C10orf90: variants seen among roughly 807,000 people sequenced by gnomAD.
The protein encoded by C10orf90 is chromosome 10 open reading frame 90, also known as (E2-independent) E3 ubiquitin-conjugating enzyme FATS.
In C10orf90, 56 loss-of-function variants were observed where a neutral mutation model predicts 62.5. The observed-to-expected ratio is 0.90, with a 90% CI of 0.72 to 1.12. C10orf90 has a LOEUF of 1.12. Ranked by LOEUF, C10orf90 falls within the 50% of genes most tolerant of loss-of-function variation. The pLI is 0.00. For synonymous variants in C10orf90, 386 were observed against 340.4 expected (o/e 1.13, Z -1.47); for missense variants, 970 against 880.4 (o/e 1.10, Z -1.29).
At chr10:126,634,710 G>A (rs967166125) in intron 2 of C10orf90, among the ~76,000 whole-genome samples, 2 of 152,090 alleles carry the variant, frequency 1.3e-5, no homozygotes, top group African/African-American at 4.8e-5. Context: ...AACAATGCAA[G>A]GTAGGTACTA....
chr10:126,667,294 G>A (rs113254140), intron 1 of C10orf90, among the ~76,000 whole-genome samples: 8,741 of 151,928 alleles, frequency 0.058, 809 homozygotes, highest in African/African-American at 0.2. Context: ...TCCTGACCTC[G>A]TGATCCACCC....
chr10:126,530,805 T>G (rs1013447686), intron 2 of C10orf90, among the ~76,000 whole-genome samples: 1 of 151,494 alleles, frequency 6.6e-6, no homozygotes, highest in East Asian at 1.9e-4. Context: ...AAAGCCTAAC[T>G]GCAAAAGCTG....
At chr10:126,580,774 T>C (rs376038726) in intron 2 of C10orf90, among the ~76,000 whole-genome samples, 13 of 152,012 alleles carry the variant, frequency 8.6e-5, no homozygotes, top group African/African-American at 2.4e-4. Context: ...TGTGTGAACA[T>C]AGTGTGTGTC....
intron 1 of C10orf90, 55 bp from the exon 2 acceptor site, chr10:126,646,692 T>C (rs981812123): frequency 1.5e-5 from 6 of 390,136 alleles, no homozygotes; most frequent in African/African-American, 1.1e-4. Context: ...GCCAGATATA[T>C]AATCTTTAAT....
chr10:126,632,434 C>T (rs557518621), intron 2 of C10orf90, among the ~76,000 whole-genome samples: 19 of 151,816 alleles, frequency 1.3e-4, no homozygotes, highest in Admixed American at 9.8e-4. Context: ...CATAAATATT[C>T]CCATTTGGTA....
intron 2 of C10orf90, among the ~76,000 whole-genome samples, chr10:126,562,267 CACCCCCTGCCCTCCCTT>C (rs1042268698): frequency 1.1e-4 from 17 of 152,128 alleles, no homozygotes; most frequent in South Asian, 2.1e-4. Context: ...TTTGCCTAGC[CACCCCCTGCCCTCCCTT>C]ACCCCCTGCC....
chr10:126,587,956 G>A (rs533624687), intron 2 of C10orf90, among the ~76,000 whole-genome samples: 241 of 152,334 alleles, frequency 1.6e-3, no homozygotes, highest in African/African-American at 5.6e-3. Flanking sequence ...TAGGAAGGGG[G>A]CTGAATCCAG....
At chr10:126,608,076 T>C (rs534495281) in intron 2 of C10orf90, among the ~76,000 whole-genome samples, 3 of 152,166 alleles carry the variant, frequency 2.0e-5, no homozygotes, top group Non-Finnish European at 4.4e-5. Flanking sequence ...GTGGTCAATG[T>C]TGCACAACAT....
chr10:126,615,663 G>A (rs1436794), intron 2 of C10orf90, among the ~76,000 whole-genome samples: 4,902 of 151,984 alleles, frequency 0.032, 126 homozygotes, highest in South Asian at 0.072. Context: ...TAGTTACGAC[G>A]TGTAAGGCAT....
intron 3 of C10orf90, among the ~76,000 whole-genome samples, chr10:126,505,389 C>A (rs1862676486): frequency 6.6e-6 from 1 of 152,232 alleles, no homozygotes; most frequent in Admixed American, 6.5e-5. Flanking sequence ...TCGATAACCA[C>A]CTCCGCCAAG....
chr10:126,457,076 C>T (rs377518633), intron 7 of C10orf90, among the ~76,000 whole-genome samples: 5 of 152,184 alleles, frequency 3.3e-5, no homozygotes, highest in East Asian at 1.9e-4. Context: ...CAGCCATGAC[C>T]TAGCGAAGCT....
chr10:126,602,845 G>T (rs1005689914), intron 2 of C10orf90, among the ~76,000 whole-genome samples: 8 of 151,096 alleles, frequency 5.3e-5, no homozygotes, highest in Non-Finnish European at 1.2e-4. Context: ...CATGAAATGT[G>T]GTCATGTCTA....
chr10:126,434,807 G>A (rs1019880634), intron 7 of C10orf90, among the ~76,000 whole-genome samples: 1 of 152,166 alleles, frequency 6.6e-6, no homozygotes, highest in South Asian at 2.1e-4. Flanking sequence ...ATTCCATCAC[G>A]GTTCTCAGGG....
chr10:126,634,582 T>C (rs776290542), intron 2 of C10orf90, among the ~76,000 whole-genome samples: 6 of 152,150 alleles, frequency 3.9e-5, no homozygotes, highest in Non-Finnish European at 5.9e-5. Context: ...CAATAGCGTA[T>C]TGTACACTTA....
chr10:126,633,649 C>T (rs1309403953), intron 2 of C10orf90, among the ~76,000 whole-genome samples: 2 of 152,240 alleles, frequency 1.3e-5, no homozygotes, highest in African/African-American at 4.8e-5. Context: ...CCTGGGATGG[C>T]AGGCTCAGAG....
At chr10:126,603,492 C>G (rs905326205) in intron 2 of C10orf90, among the ~76,000 whole-genome samples, 1 of 152,124 alleles carries the variant, frequency 6.6e-6, no homozygotes, top group Non-Finnish European at 1.5e-5. Flanking sequence ...GGTGGGGACA[C>G]AGCCAAACCA....
At chr10:126,582,428 G>T (rs1363599122) in intron 2 of C10orf90, among the ~76,000 whole-genome samples, 5 of 152,142 alleles carry the variant, frequency 3.3e-5, no homozygotes, top group Non-Finnish European at 7.3e-5. Context: ...CACTTATGAA[G>T]CCCGCATGGA....
intron 2 of C10orf90, among the ~76,000 whole-genome samples, chr10:126,624,209 G>A (rs1187606320): frequency 2.0e-5 from 3 of 152,150 alleles, no homozygotes; most frequent in Non-Finnish European, 2.9e-5. Flanking sequence ...AGCTGGGCAT[G>A]GTGGCAGGTG....
At chr10:126,490,965 T>C (rs1156839392) in intron 4 of C10orf90, among the ~76,000 whole-genome samples, 1 of 152,178 alleles carries the variant, frequency 6.6e-6, no homozygotes, top group Admixed American at 6.6e-5. Flanking sequence ...TAAGTGCATG[T>C]AGCAAAAGCT....
Sources: allele counts gnomAD v4.1 joint callset (sites outside exome capture counted in the v4.1 genomes callset), GRCh38; gene constraint gnomAD v4.1.1; transcripts MANE v1.5; gene names NCBI Gene and HGNC (gene_info 2026-07-23, HGNC 2026-07-21).